SF3B1: variants seen among roughly 807,000 people sequenced by gnomAD.
SF3B1 encodes the protein pre-mRNA processing 10.
Under a neutral mutation model 153.8 loss-of-function variants are expected in SF3B1, and 12 were observed. The ratio of observed to expected loss-of-function variants is 0.08; its 90% confidence interval spans 0.05 to 0.13. The LOEUF is 0.13. Among genes scored for constraint, SF3B1 ranks in the 10% least tolerant of loss-of-function variants. The pLI is 1.00. For missense variants in SF3B1, 513 were observed against 1,606.1 expected (o/e 0.32, Z 11.63); for synonymous variants, 498 against 525.2 (o/e 0.95, Z 0.71).
At chr2:197,421,281 G>T in intron 2 of SF3B1, 148 bp from the exon 3 acceptor site, 2 of 536,980 alleles carry the variant, frequency 3.7e-6, no homozygotes, top group South Asian at 5.1e-5. Context: ...AACACAATTG[G>T]TCTTCTTTCA....
At chr2:197,416,489 G>C (rs544979316) in intron 6 of SF3B1, 1 of 367,596 alleles carries the variant, frequency 2.7e-6, no homozygotes, top group Admixed American at 4.3e-5. Flanking sequence ...CATAGGAAGA[G>C]CATGGACAAC....
intron 22 of SF3B1, 113 bp downstream of exon 22, chr2:197,397,872 C>A: frequency 1.6e-6 from 1 of 620,146 alleles, no homozygotes; most frequent in Non-Finnish European, 2.6e-6. Flanking sequence ...GCTTTCTCAA[C>A]TGCATTATTC....
intron 1 of SF3B1, among the ~76,000 whole-genome samples, chr2:197,433,919 T>A (rs1000489502): frequency 6.6e-5 from 10 of 152,180 alleles, no homozygotes; most frequent in Non-Finnish European, 1.3e-4. Flanking sequence ...CTAAACATAA[T>A]CATTCCGTTA....
chr2:197,405,516 A>C, intron 9 of SF3B1, 44 bp from the exon 10 acceptor site: 1 of 1,339,256 alleles, frequency 7.5e-7, no homozygotes, highest in Non-Finnish European at 1.1e-6. Flanking sequence ...TTAACTTAAA[A>C]AACAGCATAA....
rs776318871 is a variant in SF3B1, at chr2:197,400,954, A to T, written c.2497-18T>A. 6.5e-7 allele frequency: 1 copy of T among 1,531,358 alleles called. No individual in the cohort carries two copies. Among genetic ancestry groups the T allele is most frequent in the South Asian group, 1.2e-5 (1 of 86,884 alleles). The allele number at this position is 1,531,358 out of a possible 1,614,324, so 94.9% of individuals were successfully genotyped here. ...TCAACTAACTAAAAAGAACAGAAAA[A>T]CAAAAAACCTTTTAGACTGCTTTTC... On this transcript the variant is annotated intron_variant, in intron 17 of 24. Coordinates refer to ENST00000335508, the MANE Select transcript of SF3B1 (RefSeq NM_012433.4). The surrounding 1 kb of genome is among the most constrained non-coding windows in gnomAD (Gnocchi z 5.0).
intron 1 of SF3B1, among the ~76,000 whole-genome samples, chr2:197,433,947 T>C (rs1307938121): frequency 6.6e-6 from 1 of 152,198 alleles, no homozygotes; most frequent in Non-Finnish European, 1.5e-5. Context: ...TCCCAGAACA[T>C]GCTGCTTTTT....
At chr2:197,431,691 A>G (rs1290299037) in intron 1 of SF3B1, among the ~76,000 whole-genome samples, 1 of 152,244 alleles carries the variant, frequency 6.6e-6, no homozygotes, top group Non-Finnish European at 1.5e-5. Context: ...ACAGAAAAAC[A>G]GGAAGTATAT....
At chr2:197,426,762 T>C (rs563595342) in intron 1 of SF3B1, among the ~76,000 whole-genome samples, 1 of 152,066 alleles carries the variant, frequency 6.6e-6, no homozygotes, top group South Asian at 2.1e-4. Flanking sequence ...TAGGAAACTA[T>C]TTTACCTGGC....
In SF3B1 at chr2:197,400,587, G is replaced by A. The variant is rs1412440194; in HGVS notation, c.2718+128C>T. 2 of 995,818 alleles carry A rather than the reference G, an allele frequency of 2.0e-6. No homozygotes were observed. The highest frequency in any genetic ancestry group is 2.9e-6 in the Non-Finnish European group (2 of 684,268). The allele number at this position is 995,818 out of a possible 1,614,324, so 61.7% of individuals were successfully genotyped here. A position where few individuals can be genotyped will look rare whatever the true frequency, so the allele number is the denominator to read the frequency against. On this transcript the variant is annotated intron_variant, in intron 18 of 24. Coordinates refer to ENST00000335508, the MANE Select transcript of SF3B1 (RefSeq NM_012433.4). The surrounding 1 kb of genome is among the most constrained non-coding windows in gnomAD (Gnocchi z 5.0). Reference sequence around the variant, plus strand: ...ACTTGAGGTAGAATAATATCGTTTGGTAACCCCCTGAGCATTTTAAAAATT... The same window carrying A: ...ACTTGAGGTAGAATAATATCGTTTGATAACCCCCTGAGCATTTTAAAAATT...
At chr2:197,411,380 T>C (rs76525522) in intron 6 of SF3B1, among the ~76,000 whole-genome samples, 6,106 of 152,216 alleles carry the variant, frequency 0.04, 398 homozygotes, top group African/African-American at 0.14. Flanking sequence ...TGTTTTAAAG[T>C]TGGGAGCTCT....
chr2:197,410,055 T>C (rs915355272), intron 6 of SF3B1, 48 bp from the exon 7 acceptor site: 2 of 1,263,416 alleles, frequency 1.6e-6, no homozygotes, highest in Admixed American at 2.2e-5. Flanking sequence ...ACAGAAATAA[T>C]TAGAAAATTT....
intron 1 of SF3B1, among the ~76,000 whole-genome samples, chr2:197,425,036 C>G (rs908234725): frequency 1.3e-5 from 2 of 152,194 alleles, no homozygotes; most frequent in African/African-American, 4.8e-5. Flanking sequence ...GCGCACGCCT[C>G]TAGTCCCAGC....
rs2105983631 is a variant in SF3B1 at position 197,401,456 on chromosome 2, A to G, written c.2440T>C (p.Phe814Leu). The G allele has an allele frequency of 6.2e-7, 1 of 1,612,052 alleles. No homozygotes were observed. The change falls in exon 17 of 25, where the codon TTT becomes CTT. Residue 814 changes from phenylalanine to leucine, a missense_variant. Around this residue, in one of 21 missense-constraint regions of SF3B1, gnomAD observed 50 missense variants for 236.5 expected, o/e 0.21. Transcript: ENST00000335508. The surrounding 1 kb of genome is among the most constrained non-coding windows in gnomAD (Gnocchi z 4.2). ...NYIKTEILPP[F>L]FKHFWQHRMA... ...CTGTGCTGCCAGAAGTGTTTAAAAA[A>G]GGGAGGAAGAATCTCTGTTTTAATG...
intron 1 of SF3B1, among the ~76,000 whole-genome samples, chr2:197,428,503 G>T (rs1195558502): frequency 6.6e-6 from 1 of 152,156 alleles, no homozygotes; most frequent in Non-Finnish European, 1.5e-5. Context: ...CTAAGTTACA[G>T]CCTGGTGTGT....
At chr2:197,404,093 T>A (rs2084962993) in intron 11 of SF3B1, among the ~76,000 whole-genome samples, 2 of 152,222 alleles carry the variant, frequency 1.3e-5, no homozygotes, top group South Asian at 4.1e-4. Flanking sequence ...CTAATTATCT[T>A]CAAGCTTTAA....
At position 197,402,420 on chromosome 2, in the gene SF3B1, C is replaced by CCT. The variant is rs2084945211; in HGVS notation, c.2077+134_2077+135dup. 1.3e-6 allele frequency: 1 copy of CCT among 781,326 alleles called. No individual in the cohort carries two copies. Among genetic ancestry groups the CCT allele is most frequent in the African/African-American group, 1.8e-5 (1 of 56,882 alleles). 48.4% of individuals were successfully genotyped at this position (781,326 alleles called of 1,614,324 possible). On this transcript the variant is annotated intron_variant, in intron 14 of 24. Coordinates refer to ENST00000335508, the MANE Select transcript of SF3B1 (RefSeq NM_012433.4). This position sits in a 1 kb window ranked among gnomAD's most constrained non-coding sequence, Gnocchi z 4.6. ...TAAACATGGACAGGCTGTGTGTGTACCTCTAGTCCCAACTACTAAGGAGGC... is the reference window on the plus strand; with the variant it reads ...TAAACATGGACAGGCTGTGTGTGTACCTCTCTAGTCCCAACTACTAAGGAGGC...
At chr2:197,433,277 A>G (rs2085469998) in intron 1 of SF3B1, among the ~76,000 whole-genome samples, 1 of 152,262 alleles carries the variant, frequency 6.6e-6, no homozygotes, top group African/African-American at 2.4e-5. Flanking sequence ...CATTGATAGA[A>G]TAATCTCAAA....
chr2:197,407,969 T>C, intron 9 of SF3B1, 29 bp downstream of exon 9: 1 of 1,599,622 alleles, frequency 6.3e-7, no homozygotes, highest in Non-Finnish European at 8.6e-7. Context: ...ATATCCTAAA[T>C]ACCACCTCAT....
At chr2:197,434,645 T>A (rs1456777255) in intron 1 of SF3B1, among the ~76,000 whole-genome samples, 2 of 152,212 alleles carry the variant, frequency 1.3e-5, no homozygotes, top group African/African-American at 4.8e-5. Context: ...GAGTGAGACC[T>A]TCTCCCCACG....
Sources: allele counts gnomAD v4.1 joint callset (sites outside exome capture counted in the v4.1 genomes callset), GRCh38; gene constraint gnomAD v4.1.1; regional missense constraint gnomAD v4.1.1; non-coding constraint Gnocchi (gnomAD v3.1); transcripts MANE v1.5; gene names NCBI Gene and HGNC (gene_info 2026-07-23, HGNC 2026-07-21).